Variants in TUBA1C observed in about 807,000 individuals in gnomAD.
TUBA1C encodes tubulin alpha 1c.
In TUBA1C, 16 loss-of-function variants were observed where a neutral mutation model predicts 34.9. The observed-to-expected ratio is 0.46, with a 90% CI of 0.31 to 0.70. The LOEUF (loss-of-function observed/expected upper bound fraction) is 0.70. Among genes scored for constraint, TUBA1C ranks in the 30% least tolerant of loss-of-function variants. TUBA1C has a pLI of 0.05. For synonymous variants in TUBA1C, 177 were observed against 215.9 expected, an observed-to-expected ratio of 0.82 and a Z score of 1.58; for missense variants, 329 against 587.3, an observed-to-expected ratio of 0.56 and a Z score of 4.55.
At chr12:49,237,071 A>G (rs1458155758) in intron 1 of TUBA1C, among the ~76,000 whole-genome samples, 1 of 152,298 alleles carries the variant, frequency 6.6e-6, no homozygotes, top group African/African-American at 2.4e-5. Flanking sequence ...TTAACTTTCT[A>G]TATGGGTGCT....
At chr12:49,235,802 G>T (rs1942549461) in intron 1 of TUBA1C, among the ~76,000 whole-genome samples, 1 of 151,696 alleles carries the variant, frequency 6.6e-6, no homozygotes, top group Non-Finnish European at 1.5e-5. Context: ...CTCTCTGCAA[G>T]AAAGTGGCCT....
rs140827088 is a variant in TUBA1C at position 49,272,141 on chromosome 12, A to G, written c.376-112A>G. 192 of 1,509,772 alleles carry G rather than the reference A, an allele frequency of 1.3e-4. No homozygotes were observed. The East Asian group carries it at 4.3e-3, about 33-fold the overall frequency. The allele number at this position is 1,509,772 out of a possible 1,614,324, so 93.5% of individuals were successfully genotyped here. A position where few individuals can be genotyped will look rare whatever the true frequency, so the allele number is the denominator to read the frequency against. Reference sequence around the variant, plus strand: ...CTGCGCCTGGCCCAGAAGAGTTTTAAAATTGCAATTGGAGTAGCCATAGAT... The same window carrying G: ...CTGCGCCTGGCCCAGAAGAGTTTTAGAATTGCAATTGGAGTAGCCATAGAT... On this transcript the variant is annotated intron_variant, in intron 3 of 3. Coordinates refer to ENST00000301072, the MANE Select transcript of TUBA1C (RefSeq NM_032704.5).
intron 1 of TUBA1C, among the ~76,000 whole-genome samples, chr12:49,250,154 G>A (rs959573506): frequency 6.6e-6 from 1 of 152,102 alleles, no homozygotes; most frequent in African/African-American, 2.4e-5. Context: ...AGCTGAGATC[G>A]TGCCACTGCA....
At chr12:49,236,258 G>A (rs1942554228) in intron 1 of TUBA1C, among the ~76,000 whole-genome samples, 1 of 152,196 alleles carries the variant, frequency 6.6e-6, no homozygotes, top group African/African-American at 2.4e-5. Context: ...ATATACTTCA[G>A]CATGAGCCTG....
intron 1 of TUBA1C, among the ~76,000 whole-genome samples, chr12:49,231,550 G>A (rs1592271081): frequency 1.3e-5 from 2 of 152,242 alleles, no homozygotes; most frequent in Middle Eastern, 3.4e-3. Context: ...TGCGAAACAG[G>A]GCTCTTGCCC....
upstream of TUBA1C, among the ~76,000 whole-genome samples, chr12:49,260,945 G>C (rs1942834901): frequency 1.3e-5 from 2 of 152,036 alleles, no homozygotes; most frequent in Admixed American, 1.3e-4. Flanking sequence ...GTTGCCCCAG[G>C]CTGGTCTCGA....
intron 1 of TUBA1C, among the ~76,000 whole-genome samples, chr12:49,240,802 T>C (rs1472924519): frequency 6.6e-6 from 1 of 152,090 alleles, no homozygotes; most frequent in African/African-American, 2.4e-5. Context: ...CACTACATTG[T>C]CCAGGCTGTT....
chr12:49,254,165 G>A (rs1227704754), intron 1 of TUBA1C, among the ~76,000 whole-genome samples: 1 of 152,112 alleles, frequency 6.6e-6, no homozygotes, highest in African/African-American at 2.4e-5. Flanking sequence ...TACCAAATTA[G>A]CCGGGCGTGG....
At chr12:49,241,798 C>T (rs980871250) in intron 1 of TUBA1C, among the ~76,000 whole-genome samples, 2 of 151,434 alleles carry the variant, frequency 1.3e-5, no homozygotes, top group Admixed American at 6.6e-5. Flanking sequence ...TACAGGCGCA[C>T]GCCGACACGC....
In TUBA1C at chr12:49,273,480, C is replaced by T; in HGVS notation, c.*253C>T. On this transcript the variant is annotated 3_prime_UTR_variant, in exon 4 of 4. Transcript: ENST00000301072. ...ACATAGCTCATTGCAGCCTCGAGCTCCTGGACTCATGTGATTCTCCTGCTT... is the reference window on the plus strand; with the variant it reads ...ACATAGCTCATTGCAGCCTCGAGCTTCTGGACTCATGTGATTCTCCTGCTT... The T allele has an allele frequency of 1.8e-6, 1 of 557,332 alleles. No homozygotes were observed. Among genetic ancestry groups the T allele is most frequent in the Non-Finnish European group, 3.1e-6 (1 of 322,444 alleles). 34.5% of individuals were successfully genotyped at this position (557,332 alleles called of 1,614,324 possible).
chr12:49,255,707 A>G (rs1942777035), intron 1 of TUBA1C, among the ~76,000 whole-genome samples: 1 of 152,114 alleles, frequency 6.6e-6, no homozygotes, highest in South Asian at 2.1e-4. Context: ...CTGGGATTAC[A>G]GGCGTCTGCC....
In TUBA1C at chr12:49,272,742, G is replaced by C; in HGVS notation, c.865G>C (p.Ala289Pro). 2 of 1,613,522 alleles carry C rather than the reference G, an allele frequency of 1.2e-6. No homozygotes were observed. Among genetic ancestry groups the C allele is most frequent in the Non-Finnish European group, 1.7e-6 (2 of 1,179,992 alleles). ...EKAYHEQLTV[A>P]EITNACFEPA... ...AGCCTACCACGAACAGCTTACTGTA[G>C]CAGAGATCACCAATGCTTGCTTTGA... is the stretch of plus-strand genomic sequence containing the variant. Residue 289 changes from alanine to proline, a missense_variant, in exon 4 of 4, where the codon GCA becomes CCA. Coordinates refer to ENST00000301072, the MANE Select transcript of TUBA1C (RefSeq NM_032704.5).
chr12:49,235,045 T>G (rs2136987765), intron 1 of TUBA1C, among the ~76,000 whole-genome samples: 2 of 151,098 alleles, frequency 1.3e-5, no homozygotes, highest in African/African-American at 4.9e-5. Context: ...CTCGAATTCC[T>G]GTCCTCGTGA....
intron 1 of TUBA1C, among the ~76,000 whole-genome samples, chr12:49,245,007 G>T (rs747126733): frequency 4.6e-5 from 7 of 152,124 alleles, no homozygotes; most frequent in Non-Finnish European, 8.8e-5. Context: ...AGTACACAGT[G>T]ACTAAGTGGC....
At chr12:49,247,947 CAAAA>C (rs59651984) in intron 1 of TUBA1C, among the ~76,000 whole-genome samples, 3 of 86,500 alleles carry the variant, frequency 3.5e-5, no homozygotes, top group African/African-American at 4.1e-5. Context: ...GATTCCGTCT[CAAAA>C]AAAAAAAAAA....
intron 1 of TUBA1C, among the ~76,000 whole-genome samples, chr12:49,248,838 A>C (rs1942702978): frequency 6.8e-6 from 1 of 147,788 alleles, no homozygotes; most frequent in African/African-American, 2.5e-5. Context: ...ACTGCACTCC[A>C]GCCTGGGTGA....
intron 1 of TUBA1C, among the ~76,000 whole-genome samples, chr12:49,244,537 A>G (rs571212980): frequency 1.3e-5 from 2 of 152,058 alleles, no homozygotes; most frequent in South Asian, 2.1e-4. Flanking sequence ...TAGAAATTCT[A>G]TTATGACCAA....
Position 49,273,833 on chromosome 12 carries a change from G to C in TUBA1C, c.*606G>C, listed in dbSNP as rs1233750591. The stretch of plus-strand genomic sequence containing the variant: ...TAAAATGCAGGTTTGGGGTCAACCT[G>C]GTGGCTCATGCACTTCGGGAGGCCA... On this transcript the variant is annotated 3_prime_UTR_variant, in exon 4 of 4. Coordinates refer to ENST00000301072, the MANE Select transcript of TUBA1C (RefSeq NM_032704.5). The C allele has an allele frequency of 2.5e-5, 4 of 157,154 alleles. No individual in the cohort carries two copies. The highest frequency in any genetic ancestry group is 3.7e-4 in the East Asian group (2 of 5,334). The allele number at this position is 157,154 out of a possible 1,614,324, so 9.7% of individuals were successfully genotyped here. A position where few individuals can be genotyped will look rare whatever the true frequency, so the allele number is the denominator to read the frequency against.
chr12:49,265,050 A>C (rs540868912), upstream of TUBA1C: 6 of 1,272,810 alleles, frequency 4.7e-6, no homozygotes, highest in East Asian at 3.0e-5. Flanking sequence ...GGGACCGGGT[A>C]TATAAGGCCC....
Sources: allele counts gnomAD v4.1 joint callset (sites outside exome capture counted in the v4.1 genomes callset), GRCh38; gene constraint gnomAD v4.1.1; transcripts MANE v1.5; gene names NCBI Gene and HGNC (gene_info 2026-07-23, HGNC 2026-07-21).